KAT14: variants seen among roughly 807,000 people sequenced by gnomAD.
KAT14 encodes cysteine-rich protein 2-binding protein.
A neutral mutation model predicts 78.4 loss-of-function variants in KAT14; 66 were observed. That is an observed-to-expected ratio of 0.84 (90% CI 0.69 to 1.03). The LOEUF is 1.03. Among genes scored for constraint, KAT14 ranks in the 50% least tolerant of loss-of-function variants. The probability of loss-of-function intolerance (pLI) is 0.00; values close to 1 mark genes in which losing one functional copy is unlikely to be tolerated. For synonymous variants in KAT14, 344 were observed against 359.4 expected, an observed-to-expected ratio of 0.96 and a Z score of 0.48; for missense variants, 870 against 972.5, an observed-to-expected ratio of 0.89 and a Z score of 1.40.
chr20:18,138,771 T>A (rs1437218840), intron 1 of KAT14, among the ~76,000 whole-genome samples: 18 of 152,158 alleles, frequency 1.2e-4, no homozygotes. Flanking sequence ...GTCCTCTCAG[T>A]TCATATTTTC....
intron 1 of KAT14, 83 bp from the exon 2 acceptor site, chr20:18,142,125 A>G (rs909206982): frequency 6.2e-5 from 84 of 1,362,948 alleles, no homozygotes; most frequent in Non-Finnish European, 7.6e-5. Flanking sequence ...TATTTTGGTA[A>G]CACTGTTATT....
chr20:18,143,238 G>A, intron 2 of KAT14: 1 of 958,646 alleles, frequency 1.0e-6, no homozygotes, highest in Non-Finnish European at 1.3e-6. Context: ...CCAAATTCCA[G>A]TCCCAGTGTT....
chr20:18,139,635 TGTGTGTG>T (rs962601824), intron 1 of KAT14, among the ~76,000 whole-genome samples: 3 of 22,056 alleles, frequency 1.4e-4, no homozygotes, highest in Non-Finnish European at 1.6e-4. Context: ...CAAAATAACG[TGTGTGTG>T]TGTGTGTGTG....
Position 18,162,423 on chromosome 20 carries a change from G to A in KAT14, c.1146G>A (p.Glu382=), listed in dbSNP as rs376610679. 2 of 1,614,034 alleles carry A rather than the reference G, an allele frequency of 1.2e-6. No homozygotes were observed. Among genetic ancestry groups the A allele is most frequent in the Non-Finnish European group, 1.7e-6 (2 of 1,180,024 alleles). ...EGDGVIDPGM[E]YVPPPAGSVA... is the part of the protein sequence containing the mutation. ...ATGGAGTCATAGACCCAGGGATGGA[G>A]TACGTCCCACCCCCTGCTGGGTCAG... is the stretch of plus-strand genomic sequence containing the variant. The change falls in exon 7 of 11, where the codon GAG becomes GAA. Residue 382 remains glutamate, a synonymous_variant. Coordinates refer to ENST00000688188, the MANE Select transcript of KAT14 (RefSeq NM_001392073.1).
At chr20:18,150,991 G>A (rs752061927) in intron 4 of KAT14, 49 bp downstream of exon 4, 1 of 1,601,990 alleles carries the variant, frequency 6.2e-7, no homozygotes, top group South Asian at 1.1e-5. Context: ...TGTAAAGAAT[G>A]AAGTATACAG....
In KAT14 at chr20:18,145,293, C is replaced by T. The variant is rs137920496; in HGVS notation, c.320C>T (p.Ser107Leu). ...KGDNFFRFTC[S>L]DCSADGKEQY... ...GATAATTTTTTTAGGTTTACTTGTTCGGATTGCTCAGCAGATGGCAAGGAG... is the reference window on the plus strand; with the variant it reads ...GATAATTTTTTTAGGTTTACTTGTTTGGATTGCTCAGCAGATGGCAAGGAG... Residue 107 changes from serine to leucine, a missense_variant, in exon 3 of 11, where the codon TCG becomes TTG. Ser to Leu is a moderately radical substitution (Grantham distance 145, BLOSUM62 -2). Coordinates refer to ENST00000688188, the MANE Select transcript of KAT14 (RefSeq NM_001392073.1). 2.9e-5 allele frequency: 46 copies of T among 1,614,006 alleles called. No homozygotes were observed. Among genetic ancestry groups the T allele is most frequent in the Admixed American group, 1.0e-4 (6 of 59,990 alleles).
chr20:18,163,508 A>G lies in KAT14; in HGVS notation c.1668+563A>G, dbSNP rs1219254723. On this transcript the variant is annotated intron_variant, in intron 7 of 10. Coordinates refer to ENST00000688188, the MANE Select transcript of KAT14 (RefSeq NM_001392073.1). ...AGGAACAAGAGGCCTTATTCCCTTT[A>G]TCTTTGCTAGCACTTGACACTAACC... 2.0e-5 allele frequency among the ~76,000 whole-genome samples: 3 copies of G among 152,238 alleles called. 1 individual carries two copies. The highest frequency in any genetic ancestry group is 4.1e-4 in the South Asian group (2 of 4,836).
At chr20:18,140,818 C>CAAAAAAAAAA (rs1157203058) in intron 1 of KAT14, among the ~76,000 whole-genome samples, 1 of 78,990 alleles carries the variant, frequency 1.3e-5, no homozygotes, top group Non-Finnish European at 2.3e-5. Flanking sequence ...GACTCCTTCT[C>CAAAAAAAAAA]AAAAAAAAAA....
intron 7 of KAT14, among the ~76,000 whole-genome samples, chr20:18,178,173 CAG>C (rs1483302246): frequency 6.6e-6 from 1 of 151,006 alleles, no homozygotes; most frequent in Non-Finnish European, 1.5e-5. Flanking sequence ...AAAAGGGAAA[CAG>C]AACATAAAAG....
At position 18,150,845 on chromosome 20, in the gene KAT14, T is replaced by G; in HGVS notation, c.403T>G (p.Leu135Val). Reference protein sequence around the residue: ...QQVVMLAMYNLSLEGSGRQGY... With the variant: ...QQVVMLAMYNVSLEGSGRQGY... The stretch of plus-strand genomic sequence containing the variant: ...GGTCGTCATGTTGGCAATGTACAAC[T>G]TGTCTCTGGAAGGAAGTGGACGTCA... Residue 135 changes from leucine to valine, a missense_variant, in exon 4 of 11, where the codon TTG becomes GTG. By Grantham distance (32) the Leu-to-Val change is conservative. Transcript: ENST00000688188. 13 of 1,614,104 alleles carry G rather than the reference T, an allele frequency of 8.1e-6. No homozygotes were observed. The highest frequency in any genetic ancestry group is 1.1e-5 in the Non-Finnish European group (13 of 1,179,964).
intron 4 of KAT14, among the ~76,000 whole-genome samples, chr20:18,158,442 C>G (rs1245310430): frequency 6.6e-6 from 1 of 152,212 alleles, no homozygotes; most frequent in African/African-American, 2.4e-5. Flanking sequence ...GGAAATAGAA[C>G]AGTCGCCTTG....
intron 4 of KAT14, among the ~76,000 whole-genome samples, chr20:18,153,260 G>A (rs2038112124): frequency 6.6e-6 from 1 of 152,076 alleles, no homozygotes; most frequent in African/African-American, 2.4e-5. Flanking sequence ...AGGCTGCTGT[G>A]AGAAAATGGA....
chr20:18,162,997 G>A (rs1311309996), intron 7 of KAT14, 52 bp downstream of exon 7: 3 of 1,580,696 alleles, frequency 1.9e-6, no homozygotes, highest in Non-Finnish European at 2.6e-6. Flanking sequence ...TGGAGGTGGG[G>A]CAGGCAGCAC....
chr20:18,162,373 A>G lies in KAT14; in HGVS notation c.1100-4A>G, dbSNP rs2038462934. 1.2e-6 allele frequency: 2 copies of G among 1,610,624 alleles called. No homozygotes were observed. The highest frequency in any genetic ancestry group is 8.5e-7 in the Non-Finnish European group (1 of 1,178,504). Reference sequence around the variant, plus strand: ...TTGATGACACTGTTTTGTACTCTGCACAGATGACGATGAGATGGAAGGCGA... The same window carrying G: ...TTGATGACACTGTTTTGTACTCTGCGCAGATGACGATGAGATGGAAGGCGA... On this transcript the variant is annotated splice_region_variant and splice_polypyrimidine_tract_variant and intron_variant, in intron 6 of 10. Transcript: ENST00000688188.
At chr20:18,173,027 C>G (rs978994363) in intron 7 of KAT14, among the ~76,000 whole-genome samples, 1 of 152,188 alleles carries the variant, frequency 6.6e-6, no homozygotes, top group African/African-American at 2.4e-5. Flanking sequence ...TCTCTTCCCC[C>G]AGGTGAGTTA....
intron 7 of KAT14, among the ~76,000 whole-genome samples, chr20:18,176,855 C>T (rs1198165919): frequency 1.3e-5 from 2 of 152,168 alleles, no homozygotes; most frequent in Non-Finnish European, 2.9e-5. Flanking sequence ...ACTCTGGCTT[C>T]TGTGTCGAGA....
intron 1 of KAT14, among the ~76,000 whole-genome samples, chr20:18,140,836 A>AG (rs2037516525): frequency 6.9e-6 from 1 of 144,956 alleles, no homozygotes; most frequent in African/African-American, 2.5e-5. Context: ...AAAAAAAAAA[A>AG]CCAATAAAAC....
chr20:18,186,428 C>T (rs2039456278), intron 10 of KAT14, among the ~76,000 whole-genome samples: 1 of 152,178 alleles, frequency 6.6e-6, no homozygotes, highest in South Asian at 2.1e-4. Context: ...CTAAAAATGC[C>T]TATGGATACA....
chr20:18,140,707 G>A (rs1203001529), intron 1 of KAT14, among the ~76,000 whole-genome samples: 1 of 151,296 alleles, frequency 6.6e-6, no homozygotes, highest in African/African-American at 2.4e-5. Context: ...AGCTACTGGG[G>A]AGGCTGAGGC....
Sources: gnomAD v4.1 joint callset for allele counts (sites outside exome capture counted in the v4.1 genomes callset) on GRCh38, gnomAD v4.1.1 for gene constraint, MANE v1.5 for transcripts, NCBI Gene and HGNC (gene_info 2026-07-23, HGNC 2026-07-21) for gene names.